Variants in NOX4 observed in about 807,000 individuals in gnomAD.
NOX4 encodes NADPH oxidase 4, also known as kidney oxidase-1.
In NOX4, 69 loss-of-function variants were observed where a neutral mutation model predicts 87.6. The ratio of observed to expected loss-of-function variants is 0.79; its 90% confidence interval spans 0.65 to 0.96. NOX4 has a LOEUF of 0.96. NOX4 is among the 40% of genes least tolerant of loss of function. NOX4 has a pLI of 0.00. For synonymous variants in NOX4, 275 were observed against 238.2 expected (o/e 1.15, Z -1.42); for missense variants, 680 against 681.5 (o/e 1.00, Z 0.02).
chr11:89,366,376 A>G (rs1001209688), intron 12 of NOX4, among the ~76,000 whole-genome samples: 6 of 152,088 alleles, frequency 3.9e-5, no homozygotes, highest in African/African-American at 1.4e-4. Context: ...TTTATTTTCA[A>G]AACTAAAAAG....
In NOX4 at chr11:89,451,785, C is replaced by T; in HGVS notation, c.264G>A (p.Lys88=). The change falls in exon 3 of 18, where the codon AAG becomes AAA. Residue 88 remains lysine (K), a splice_region_variant and synonymous_variant. Transcript: ENST00000263317. ...TGAAAGTAGGACTGTTTTTTCTTAC[C>T]TTCTGTGATCCTCGGAGGTAAGCCA... is the stretch of plus-strand genomic sequence containing the variant. The part of the protein sequence containing the change: ...TLLAYLRGSQ[K]VPSRRTRRLL... 1 of 1,602,484 alleles carries T rather than the reference C, an allele frequency of 6.2e-7. No homozygotes were observed. Among genetic ancestry groups the T allele is most frequent in the Non-Finnish European group, 8.5e-7 (1 of 1,170,084 alleles).
chr11:89,406,657 A>G (rs1942204282), intron 8 of NOX4, among the ~76,000 whole-genome samples: 1 of 152,162 alleles, frequency 6.6e-6, no homozygotes, highest in African/African-American at 2.4e-5. Flanking sequence ...CTGATGACCA[A>G]CATAGTAACT....
At chr11:89,387,330 A>G (rs896235958) in intron 11 of NOX4, among the ~76,000 whole-genome samples, 8 of 152,106 alleles carry the variant, frequency 5.3e-5, no homozygotes, top group Admixed American at 4.6e-4. Context: ...CTCCTGGCTC[A>G]GAAGCTCCCC....
At chr11:89,375,222 CATT>C (rs1939748957) in intron 11 of NOX4, among the ~76,000 whole-genome samples, 1 of 152,056 alleles carries the variant, frequency 6.6e-6, no homozygotes, top group Non-Finnish European at 1.5e-5. Flanking sequence ...TTTTAAATAA[CATT>C]GTTTAAATAT....
the NOX4 span, among the ~76,000 whole-genome samples, chr11:89,527,023 G>A: frequency 1.3e-5 from 2 of 152,200 alleles, no homozygotes; most frequent in African/African-American, 4.8e-5. Context: ...TGTCCAGACT[G>A]AGGTGATCTC....
chr11:89,405,752 G>T (rs317132), intron 8 of NOX4, among the ~76,000 whole-genome samples: 22 of 68,366 alleles, frequency 3.2e-4, no homozygotes, highest in Non-Finnish European at 6.3e-4. Context: ...GGTTAAAAAA[G>T]AAAAAAAAAA....
intron 2 of NOX4, among the ~76,000 whole-genome samples, chr11:89,488,413 A>G (rs987371360): frequency 2.6e-5 from 4 of 152,078 alleles, no homozygotes; most frequent in Admixed American, 6.6e-5. Context: ...AATGTTTTCC[A>G]AATTTGTTGG....
intron 6 of NOX4, among the ~76,000 whole-genome samples, chr11:89,439,544 A>G (rs1049155626): frequency 6.6e-6 from 1 of 152,132 alleles, no homozygotes; most frequent in Admixed American, 6.6e-5. Flanking sequence ...AAAATAATGC[A>G]TTTGCCAGGG....
chr11:89,527,862 C>T, the NOX4 span, among the ~76,000 whole-genome samples: 1 of 152,202 alleles, frequency 6.6e-6, no homozygotes, highest in Admixed American at 6.5e-5. Context: ...CACTGGGACA[C>T]TGCCTAGTGG....
At chr11:89,362,490 C>T (rs1938606894) in intron 12 of NOX4, among the ~76,000 whole-genome samples, 1 of 151,948 alleles carries the variant, frequency 6.6e-6, no homozygotes, top group African/African-American at 2.4e-5. Context: ...TTAAGTATTG[C>T]CTGTTGGCTC....
chr11:89,464,000 T>G (rs1041092070), intron 2 of NOX4, among the ~76,000 whole-genome samples: 1 of 152,216 alleles, frequency 6.6e-6, no homozygotes, highest in South Asian at 2.1e-4. Context: ...GTAGTTTTAA[T>G]GTAGCTGAAT....
chr11:89,567,381 A>G, the NOX4 span, among the ~76,000 whole-genome samples: 1 of 152,118 alleles, frequency 6.6e-6, no homozygotes, highest in African/African-American at 2.4e-5. Flanking sequence ...CTACTATGCT[A>G]TGGTGTGCAC....
intron 16 of NOX4, 131 bp downstream of exon 16, chr11:89,337,316 T>C: frequency 7.3e-7 from 1 of 1,365,842 alleles, no homozygotes; most frequent in Non-Finnish European, 1.0e-6. Flanking sequence ...TTCCTGGACA[T>C]ATTCCAAAGG....
chr11:89,507,982 C>T, the NOX4 span, among the ~76,000 whole-genome samples: 2 of 151,884 alleles, frequency 1.3e-5, no homozygotes, highest in South Asian at 4.2e-4. Flanking sequence ...TTATATTTGC[C>T]CTCATAGTTT....
At chr11:89,400,482 AT>A in intron 9 of NOX4, 103 bp from the exon 10 acceptor site, 1 of 693,758 alleles carries the variant, frequency 1.4e-6, no homozygotes, top group Non-Finnish European at 2.1e-6. Context: ...TAGTATTTTA[AT>A]TTGTATTTTA....
chr11:89,329,373 A>AG (rs370166089), intron 17 of NOX4, among the ~76,000 whole-genome samples: 11,492 of 131,368 alleles, frequency 0.087, 628 homozygotes, highest in South Asian at 0.12. Context: ...AAAAAAAAAA[A>AG]AAGAACAGAG....
chr11:89,468,977 G>A (rs1487268889), intron 2 of NOX4, among the ~76,000 whole-genome samples: 1 of 152,154 alleles, frequency 6.6e-6, no homozygotes, highest in Non-Finnish European at 1.5e-5. Context: ...TGATCCTCCA[G>A]CCTCAGCCTC....
chr11:89,380,595 G>C (rs1435354045), intron 11 of NOX4, among the ~76,000 whole-genome samples: 1 of 152,028 alleles, frequency 6.6e-6, no homozygotes, highest in Non-Finnish European at 1.5e-5. Context: ...AATAAATTAA[G>C]CTCAATATTC....
At chr11:89,370,973 CATATT>C (rs1939392859) in intron 12 of NOX4, among the ~76,000 whole-genome samples, 1 of 151,970 alleles carries the variant, frequency 6.6e-6, no homozygotes, top group African/African-American at 2.4e-5. Flanking sequence ...AATAAAAAGT[CATATT>C]AAATATCTCT....
Sources: gnomAD v4.1 joint callset for allele counts (sites outside exome capture counted in the v4.1 genomes callset) on GRCh38, gnomAD v4.1.1 for gene constraint, MANE v1.5 for transcripts, NCBI Gene and HGNC (gene_info 2026-07-23, HGNC 2026-07-21) for gene names.